The following TEX9 variants were observed in gnomAD, a reference collection of about 807,000 sequenced individuals.
The protein encoded by TEX9 is testis-expressed protein 9.
A neutral mutation model predicts 59.6 loss-of-function variants in TEX9; 74 were observed. That is an observed-to-expected ratio of 1.24 (90% confidence interval 1.03 to 1.51). The LOEUF (loss-of-function observed/expected upper bound fraction) is 1.51. Ranked by LOEUF, TEX9 falls within the 40% of genes most tolerant of loss-of-function variation. The pLI, the probability that TEX9 is intolerant of heterozygous loss-of-function variation, is 0.00. For missense variants in TEX9, 522 were observed against 447.8 expected (o/e 1.17, Z -1.49); for synonymous variants, 186 against 152.2 (o/e 1.22, Z -1.64).
At chr15:56,346,258 G>T (rs1265405943) in intron 1 of TEX9, among the ~76,000 whole-genome samples, 1 of 152,168 alleles carries the variant, frequency 6.6e-6, no homozygotes, top group Non-Finnish European at 1.5e-5. Context: ...GAGAGAAGCA[G>T]GGAGTGAGCT....
chr15:56,401,713 T>A (rs2048793947), intron 9 of TEX9, among the ~76,000 whole-genome samples: 1 of 152,148 alleles, frequency 6.6e-6, no homozygotes, highest in Non-Finnish European at 1.5e-5. Flanking sequence ...TATTCTAAAA[T>A]TGACCACAAA....
intron 12 of TEX9, chr15:56,434,248 C>T (rs752289540): frequency 1.2e-5 from 19 of 1,613,830 alleles, no homozygotes; most frequent in Admixed American, 3.3e-5. Flanking sequence ...TCTATTCGAT[C>T]ATCCTCAGCA....
chr15:56,416,986 G>T (rs895811856), intron 10 of TEX9, among the ~76,000 whole-genome samples: 4 of 151,730 alleles, frequency 2.6e-5, no homozygotes, highest in Non-Finnish European at 4.4e-5. Context: ...TTTCTAGTTT[G>T]TGTGCATAGA....
chr15:56,250,325 T>C (rs1488089813), intron 1 of TEX9, among the ~76,000 whole-genome samples: 1 of 152,086 alleles, frequency 6.6e-6, no homozygotes, highest in East Asian at 1.9e-4. Context: ...AAGTTAAAAG[T>C]GGCGTGGAGG....
intron 12 of TEX9, among the ~76,000 whole-genome samples, chr15:56,443,051 T>A (rs1163309498): frequency 7.2e-5 from 11 of 152,214 alleles, no homozygotes; most frequent in African/African-American, 2.7e-4. Context: ...TAGATGAATT[T>A]ACTGTATTAT....
At chr15:56,373,702 T>C (rs2047296054) in intron 3 of TEX9, among the ~76,000 whole-genome samples, 198 bp downstream of exon 3, 2 of 152,186 alleles carry the variant, frequency 1.3e-5, no homozygotes, top group South Asian at 4.1e-4. Context: ...GCACACATTT[T>C]CTAAAAGCCA....
At chr15:56,446,881 G>A, downstream of TEX9, 1 of 1,610,580 alleles carries the variant, frequency 6.2e-7, no homozygotes, top group Non-Finnish European at 8.5e-7. Context: ...AGCAATCTGA[G>A]CTGCCCTTTC....
intron 9 of TEX9, among the ~76,000 whole-genome samples, chr15:56,401,784 T>G (rs1302580463): frequency 1.3e-5 from 2 of 152,184 alleles, no homozygotes; most frequent in African/African-American, 4.8e-5. Context: ...AAACTGTCTC[T>G]CAGACCACAG....
At chr15:56,395,340 T>C (rs1227335153) in intron 9 of TEX9, 1 of 153,294 alleles carries the variant, frequency 6.5e-6, no homozygotes, top group African/African-American at 2.4e-5. Context: ...TTCTGTTATA[T>C]GGATATAACA....
the TEX9 span, among the ~76,000 whole-genome samples, chr15:56,458,865 G>T: frequency 6.6e-6 from 1 of 152,074 alleles, no homozygotes; most frequent in Non-Finnish European, 1.5e-5. Flanking sequence ...AGGACATCTT[G>T]GTTGCTTCTA....
At chr15:56,454,526 C>CT in the TEX9 span, among the ~76,000 whole-genome samples, 1 of 152,102 alleles carries the variant, frequency 6.6e-6, no homozygotes, top group Non-Finnish European at 1.5e-5. Context: ...TTAAGTCATA[C>CT]TTCTTACTGT....
chr15:56,406,490 A>T (rs930288433), intron 9 of TEX9, among the ~76,000 whole-genome samples: 1 of 152,180 alleles, frequency 6.6e-6, no homozygotes, highest in Non-Finnish European at 1.5e-5. Context: ...AATTTTATGG[A>T]AAGTGTATGC....
intron 9 of TEX9, chr15:56,395,494 A>G (rs1012314069): frequency 1.3e-5 from 2 of 152,168 alleles, no homozygotes; most frequent in African/African-American, 4.8e-5. Context: ...TATAGCCAGG[A>G]ATGGAATTGC....
chr15:56,279,697 C>T (rs192136958), intron 1 of TEX9, among the ~76,000 whole-genome samples: 16 of 152,122 alleles, frequency 1.1e-4, no homozygotes, highest in East Asian at 5.8e-4. Context: ...TGGAAAGGGC[C>T]GTTGCACAAT....
chr15:56,343,735 A>G (rs1353898995), intron 1 of TEX9, among the ~76,000 whole-genome samples: 1 of 152,126 alleles, frequency 6.6e-6, no homozygotes, highest in African/African-American at 2.4e-5. Flanking sequence ...TCTTATGTCT[A>G]TCTGATAAAG....
chr15:56,444,534 T>TC, intron 12 of TEX9: 1 of 1,612,714 alleles, frequency 6.2e-7, no homozygotes, highest in Non-Finnish European at 8.5e-7. Flanking sequence ...CTTTTTTTTT[T>TC]CTTGTTCTTC....
At chr15:56,299,920 G>A (rs1208155323) in intron 1 of TEX9, among the ~76,000 whole-genome samples, 7 of 152,140 alleles carry the variant, frequency 4.6e-5, no homozygotes, top group Non-Finnish European at 7.3e-5. Flanking sequence ...GGAGCCTTGA[G>A]TGAGACACAA....
At chr15:56,457,394 C>T in the TEX9 span, among the ~76,000 whole-genome samples, 1 of 152,168 alleles carries the variant, frequency 6.6e-6, no homozygotes, top group Non-Finnish European at 1.5e-5. Context: ...GATATTACTA[C>T]GTACCTATTG....
chr15:56,367,842 AT>A (rs775859453), intron 2 of TEX9, among the ~76,000 whole-genome samples: 104 of 152,178 alleles, frequency 6.8e-4, no homozygotes, highest in Non-Finnish European at 1.2e-3. Context: ...TAAATGTAGA[AT>A]TTTTAGATGT....
Sources: allele counts gnomAD v4.1 joint callset (sites outside exome capture counted in the v4.1 genomes callset), GRCh38; gene constraint gnomAD v4.1.1; transcripts MANE v1.5; gene names NCBI Gene and HGNC (gene_info 2026-07-23, HGNC 2026-07-21).